Variants in RAB9A observed in about 807,000 individuals in gnomAD.
RAB9A encodes the protein RAB9A, member RAS oncogene family.
RAB9A carries 1 observed loss-of-function variant against 10.3 expected under a neutral mutation model. The observed-to-expected ratio is 0.10, with a 90% confidence interval of 0.03 to 0.46. The LOEUF (loss-of-function observed/expected upper bound fraction) is 0.46, where lower values mean the gene tolerates loss of function less well. RAB9A is among the 20% of genes least tolerant of loss of function. The probability of loss-of-function intolerance (pLI) is 0.96; values close to 1 mark genes in which losing one functional copy is unlikely to be tolerated. For missense variants in RAB9A, 92 were observed against 150.3 expected, an observed-to-expected ratio of 0.61 and a Z score of 2.03; for synonymous variants, 39 against 55.2, an observed-to-expected ratio of 0.71 and a Z score of 1.30.
In RAB9A at chrX:13,710,304, C is replaced by G. The variant is rs1390632295; in HGVS notation, c.*952C>G. ...CAAGACACAAGCTGACTTTATCACT[C>G]TCAGAAGAAATACTAAGAAGGATTG... On this transcript the variant is annotated 3_prime_UTR_variant, in exon 3 of 3. Transcript: ENST00000464506. 8.1e-6 allele frequency: 1 copy of G among 123,726 alleles called. No individual in the cohort carries two copies. The highest frequency in any genetic ancestry group is 1.9e-5 in the Non-Finnish European group (1 of 53,364). 10.2% of individuals were successfully genotyped at this position (123,726 alleles called of 1,213,427 possible). A position where few individuals can be genotyped will look rare whatever the true frequency, so the allele number is the denominator to read the frequency against.
Position 13,709,634 on chromosome X carries a change from C to G in RAB9A, c.*282C>G, listed in dbSNP as rs1028265258. On this transcript the variant is annotated 3_prime_UTR_variant, in exon 3 of 3. Coordinates refer to ENST00000464506, the MANE Select transcript of RAB9A (RefSeq NM_004251.5). The stretch of plus-strand genomic sequence containing the variant: ...GAGCTAATAAATGAAATGACCAAGA[C>G]TTTAATTATAATAAAAATAAGAAAC... 1.1e-5 allele frequency: 2 copies of G among 175,071 alleles called. No homozygotes were observed. The highest frequency in any genetic ancestry group is 6.1e-5 in the African/African-American group (2 of 32,819). 14.4% of individuals were successfully genotyped at this position (175,071 alleles called of 1,213,427 possible). A position where few individuals can be genotyped will look rare whatever the true frequency, so the allele number is the denominator to read the frequency against.
At position 13,709,829 on chromosome X, in the gene RAB9A, ATTG is replaced by A. The variant is rs935056108; in HGVS notation, c.*480_*482del. On this transcript the variant is annotated 3_prime_UTR_variant, in exon 3 of 3. Transcript: ENST00000464506. ...TTAAAATCTAATGTATTTGCAATGC[ATTG>A]TTAATTTACTTCTTCATTCTCTTCA... 4.0e-5 allele frequency: 5 copies of A among 124,158 alleles called. No homozygotes were observed. Among genetic ancestry groups the A allele is most frequent in the African/African-American group, 1.6e-4 (5 of 30,977 alleles). The allele number at this position is 124,158 out of a possible 1,213,427, so 10.2% of individuals were successfully genotyped here. A position where few individuals can be genotyped will look rare whatever the true frequency, so the allele number is the denominator to read the frequency against.
chrX:13,693,233 A>G (rs186759761), intron 1 of RAB9A, among the ~76,000 whole-genome samples: 17 of 112,608 alleles, frequency 1.5e-4, no homozygotes, highest in African/African-American at 5.5e-4. Context: ...TGTTTGGGCA[A>G]CGCATCTAAC....
At chrX:13,691,172 T>C (rs940320598) in intron 1 of RAB9A, among the ~76,000 whole-genome samples, 4 of 111,836 alleles carry the variant, frequency 3.6e-5, no homozygotes, top group African/African-American at 1.3e-4. Context: ...AACAGAGTTG[T>C]CTAGCCCAAA....
chrX:13,704,312 G>C (rs2046187736), intron 2 of RAB9A, among the ~76,000 whole-genome samples: 1 of 112,082 alleles, frequency 8.9e-6, no homozygotes, highest in Non-Finnish European at 1.9e-5. Context: ...AAGATGGGTA[G>C]ATGAAAAACT....
chrX:13,702,397 C>T (rs1464269727), intron 1 of RAB9A, among the ~76,000 whole-genome samples: 1 of 112,175 alleles, frequency 8.9e-6, no homozygotes, highest in Non-Finnish European at 1.9e-5. Flanking sequence ...CTAAAATGAT[C>T]ATGGAGACAT....
Position 13,698,814 on chromosome X carries a change from A to G in RAB9A, c.-115-5000A>G, listed in dbSNP as rs912484270. 2.7e-5 allele frequency among the ~76,000 whole-genome samples: 3 copies of G among 111,558 alleles called. No individual in the cohort carries two copies. The East Asian group carries it at 8.4e-4, about 31-fold the overall frequency. On this transcript the variant is annotated intron_variant, in intron 1 of 2. Coordinates refer to ENST00000464506, the MANE Select transcript of RAB9A (RefSeq NM_004251.5). ...TGAGGAAATAAATACAGCTCCAGCA[A>G]AAATAGAAATAATTTTCAGATTATC...
chrX:13,696,157 T>C (rs1450124244), intron 1 of RAB9A, among the ~76,000 whole-genome samples: 2 of 106,085 alleles, frequency 1.9e-5, no homozygotes, highest in Admixed American at 1.0e-4. Context: ...CCTGTAATCC[T>C]AGCACTTTGG....
intron 2 of RAB9A, among the ~76,000 whole-genome samples, chrX:13,704,691 T>G (rs1033838381): frequency 9.2e-6 from 1 of 108,859 alleles, no homozygotes; most frequent in South Asian, 4.1e-4. Flanking sequence ...CTTGGCTCAC[T>G]GCAACCTCCA....
Position 13,708,711 on chromosome X carries a change from T to A in RAB9A, c.-26-10T>A. 1 of 1,151,191 alleles carries A rather than the reference T, an allele frequency of 8.7e-7. No individual in the cohort carries two copies. Among genetic ancestry groups the A allele is most frequent in the Non-Finnish European group, 1.2e-6 (1 of 868,197 alleles). 94.9% of individuals were successfully genotyped at this position (1,151,191 alleles called of 1,213,427 possible). ...ATAAAGGAATGTAATGGTGCCTTTT[T>A]ATTTTACAGGGTTCTTGAAGCTTTT... is the stretch of plus-strand genomic sequence containing the variant. On this transcript the variant is annotated splice_polypyrimidine_tract_variant and intron_variant, in intron 2 of 2. Transcript: ENST00000464506.
At chrX:13,696,262 TA>T (rs1209064310) in intron 1 of RAB9A, among the ~76,000 whole-genome samples, 1 of 101,145 alleles carries the variant, frequency 9.9e-6, no homozygotes, top group African/African-American at 3.7e-5. Context: ...AAAAAAAAAT[TA>T]AAAAAAAAAT....
intron 1 of RAB9A, among the ~76,000 whole-genome samples, chrX:13,691,085 T>C (rs1191847788): frequency 9.0e-6 from 1 of 110,974 alleles, no homozygotes; most frequent in East Asian, 2.8e-4. Context: ...TAAACATTCT[T>C]TTTTATTTTT....
At chrX:13,694,052 C>T (rs1377215239) in intron 1 of RAB9A, among the ~76,000 whole-genome samples, 4 of 112,072 alleles carry the variant, frequency 3.6e-5, no homozygotes, top group African/African-American at 1.3e-4. Flanking sequence ...GTTGAACTGA[C>T]TACTGTATTT....
chrX:13,705,586 T>C (rs1054141703), intron 2 of RAB9A, among the ~76,000 whole-genome samples: 3 of 112,321 alleles, frequency 2.7e-5, no homozygotes, highest in Admixed American at 9.5e-5. Flanking sequence ...GTTTGTTAGA[T>C]TGCATGATCT....
chrX:13,696,709 CAG>C (rs896220434), intron 1 of RAB9A, among the ~76,000 whole-genome samples: 8 of 111,989 alleles, frequency 7.1e-5, no homozygotes, highest in South Asian at 3.7e-4. Flanking sequence ...TGCTGACAAT[CAG>C]GGGGAAAGGA....
At chrX:13,704,058 C>T (rs891307183) in intron 2 of RAB9A, among the ~76,000 whole-genome samples, 156 bp downstream of exon 2, 2 of 111,826 alleles carry the variant, frequency 1.8e-5, no homozygotes, top group African/African-American at 3.3e-5. Context: ...TCATTTTTGC[C>T]TTGGCTGCCC....
At chrX:13,701,803 G>A (rs2046175230) in intron 1 of RAB9A, among the ~76,000 whole-genome samples, 1 of 111,197 alleles carries the variant, frequency 9.0e-6, no homozygotes, top group Non-Finnish European at 1.9e-5. Context: ...AAAACACGAA[G>A]TCATATAGTA....
chrX:13,709,579 C>T lies in RAB9A; in HGVS notation c.*227C>T, dbSNP rs1343168359. 2.3e-5 allele frequency: 6 copies of T among 261,228 alleles called. No individual in the cohort carries two copies. The highest frequency in any genetic ancestry group is 1.3e-4 in the East Asian group (2 of 14,955). The allele number at this position is 261,228 out of a possible 1,213,427, so 21.5% of individuals were successfully genotyped here. A position where few individuals can be genotyped will look rare whatever the true frequency, so the allele number is the denominator to read the frequency against. ...ATAAATTGTAACAGTTGTCTAATAA[C>T]GTTTCTTTAATTTAAATATGTAAGT... On this transcript the variant is annotated 3_prime_UTR_variant, in exon 3 of 3. Coordinates refer to ENST00000464506, the MANE Select transcript of RAB9A (RefSeq NM_004251.5).
At chrX:13,696,574 CAATG>C (rs1452972177) in intron 1 of RAB9A, among the ~76,000 whole-genome samples, 1 of 112,280 alleles carries the variant, frequency 8.9e-6, no homozygotes, top group Non-Finnish European at 1.9e-5. Context: ...GAAACATACA[CAATG>C]AAGTCCTGAG....
Sources: gnomAD v4.1 joint callset for allele counts (sites outside exome capture counted in the v4.1 genomes callset) on GRCh38, gnomAD v4.1.1 for gene constraint, MANE v1.5 for transcripts, NCBI Gene and HGNC (gene_info 2026-07-23, HGNC 2026-07-21) for gene names.